Variants in USP44 observed in about 807,000 individuals in gnomAD.
USP44 encodes ubiquitin carboxyl-terminal hydrolase 44.
In USP44, 61 loss-of-function variants were observed where a neutral mutation model predicts 69.0. That is an observed-to-expected ratio of 0.88 (90% CI 0.72 to 1.09). USP44 has a LOEUF of 1.09. Ranked by LOEUF, USP44 falls within the 50% of genes least tolerant of loss-of-function variation. USP44 has a pLI of 0.00. For synonymous variants in USP44, 297 were observed against 295.4 expected (o/e 1.01, Z -0.06); for missense variants, 753 against 849.9 (o/e 0.89, Z 1.42).
intron 1 of USP44, among the ~76,000 whole-genome samples, chr12:95,546,245 A>G (rs1467809341): frequency 3.3e-5 from 5 of 152,208 alleles, no homozygotes; most frequent in Non-Finnish European, 7.3e-5. Flanking sequence ...TTGAATTCAA[A>G]TACTCTGTGT....
At chr12:95,521,995 T>C (rs558134905) in intron 4 of USP44, 40 of 968,954 alleles carry the variant, frequency 4.1e-5, no homozygotes, top group Admixed American at 1.2e-4. Flanking sequence ...CAACCGCCCA[T>C]TGGTGACAGA....
intron 2 of USP44, among the ~76,000 whole-genome samples, chr12:95,532,167 GTTTT>G (rs1272256143): frequency 7.9e-6 from 1 of 126,680 alleles, no homozygotes; most frequent in Non-Finnish European, 1.6e-5. Flanking sequence ...CTTTCTTTGG[GTTTT>G]TTTTTTTTTT....
chr12:95,547,878 A>G (rs1413632752), intron 1 of USP44: 2 of 152,182 alleles, frequency 1.3e-5, no homozygotes, highest in Non-Finnish European at 2.9e-5. Flanking sequence ...CAGTATAAAA[A>G]CTGCGAGCTA....
intron 1 of USP44, among the ~76,000 whole-genome samples, chr12:95,539,494 G>A (rs1377809274): frequency 2.0e-5 from 3 of 152,066 alleles, no homozygotes; most frequent in African/African-American, 4.8e-5. Context: ...CCAAAGTGCT[G>A]GGATTATAGG....
At position 95,521,200 on chromosome 12, in the gene USP44, C is replaced by T; in HGVS notation, c.1736G>A (p.Trp579Ter). Residue 579 changes from tryptophan to a stop codon, truncating the protein, a stop_gained and splice_region_variant, in exon 5 of 6, where the codon TGG becomes TAG. Transcript: ENST00000258499. LOFTEE classifies it high-confidence loss of function. ...CTTCTCTCGGTTATTACGTCCTGAC[C>T]ACCTGTGAACAAACCAGTGTAAAAT... is the stretch of plus-strand genomic sequence containing the variant. ...VLRLHLKRFR[W>*]SGRNNREKIG... 4 of 1,614,142 alleles carry T rather than the reference C, an allele frequency of 2.5e-6. No homozygotes were observed. In the South Asian group the frequency reaches 3.3e-5, roughly 13 times the overall value.
rs934767732 is a variant in USP44 at position 95,533,059 on chromosome 12, C to A, written c.1198G>T (p.Val400Phe). The change falls in exon 2 of 6, where the codon GTC becomes TTC. Residue 400 changes from valine (V) to phenylalanine (F), a missense_variant. Physicochemically the swap from Val to Phe is conservative, Grantham distance 50. Coordinates refer to ENST00000258499, the MANE Select transcript of USP44 (RefSeq NM_032147.5). ...GAGTGTAGCATAGCAAATGGTGAGACCAACGCCCACTTTCCAGACCACATG... is the reference window on the plus strand; with the variant it reads ...GAGTGTAGCATAGCAAATGGTGAGAACAACGCCCACTTTCCAGACCACATG... ...QVMWSGKWAL[V>F]SPFAMLHSVW... The A allele has an allele frequency of 8.1e-6, 13 of 1,614,074 alleles. No homozygotes were observed. Among genetic ancestry groups the A allele is most frequent in the Non-Finnish European group, 1.0e-5 (12 of 1,180,046 alleles).
Position 95,536,323 on chromosome 12 carries a change from G to T in USP44, c.-70-1997C>A, listed in dbSNP as rs74487773. On this transcript the variant is annotated intron_variant, in intron 1 of 5. Transcript: ENST00000258499. ...CTCCCAAAGTGCTAGGATTACAAGC[G>T]TGAGCCACCGTGCCCAGCCCCCATT... is the stretch of plus-strand genomic sequence containing the variant. Among the ~76,000 whole-genome samples, 61 of 152,086 alleles carry T rather than the reference G, an allele frequency of 4.0e-4. No homozygotes were observed. In the South Asian group the frequency reaches 0.01, roughly 26 times the overall value.
In USP44 at chr12:95,527,571, G is replaced by A. The variant is rs139142042; in HGVS notation, c.1624+1236C>T. Among the ~76,000 whole-genome samples the A allele has an allele frequency of 1.9e-4, 29 of 151,794 alleles. No individual in the cohort carries two copies. In the East Asian group the frequency reaches 4.7e-3, roughly 24 times the overall value. ...ACGATCTTGGCTCACTGCAACCTCC[G>A]CCTCCTGGGTTCAAGAGATTCTCCT... On this transcript the variant is annotated intron_variant, in intron 3 of 5. Transcript: ENST00000258499.
chr12:95,542,829 C>G (rs2077433925), intron 1 of USP44, among the ~76,000 whole-genome samples: 1 of 150,502 alleles, frequency 6.6e-6, no homozygotes, highest in Non-Finnish European at 1.5e-5. Flanking sequence ...GTGGCTCACC[C>G]TGTAATCCCA....
chr12:95,532,282 C>G (rs542929302), intron 2 of USP44, among the ~76,000 whole-genome samples: 70 of 151,014 alleles, frequency 4.6e-4, no homozygotes, highest in African/African-American at 1.6e-3. Context: ...ATTCTCCTGA[C>G]TCAGCCTCCC....
At chr12:95,532,609 T>A (rs1178730125) in intron 2 of USP44, among the ~76,000 whole-genome samples, 1 of 152,054 alleles carries the variant, frequency 6.6e-6, no homozygotes, top group Non-Finnish European at 1.5e-5. Flanking sequence ...TCTCCCTCCC[T>A]CCAAAAGCTT....
rs112179245 is a variant in USP44 at position 95,536,368 on chromosome 12, A to T, written c.-70-2042T>A. ...CCCATTTCACACGTTTTAAGTGCAC[A>T]TTTTAAATTTACTCCTCTCTCTAAA... On this transcript the variant is annotated intron_variant, in intron 1 of 5. Transcript: ENST00000258499. Among the ~76,000 whole-genome samples, 162 of 152,082 alleles carry T rather than the reference A, an allele frequency of 1.1e-3. 3 individuals are homozygous for T. The highest frequency in any genetic ancestry group is 3.8e-3 in the African/African-American group (159 of 41,452).
In USP44 at chr12:95,543,046, C is replaced by G. The variant is rs1325212651; in HGVS notation, c.-71+8226G>C. 8.0e-5 allele frequency among the ~76,000 whole-genome samples: 12 copies of G among 150,120 alleles called. No homozygotes were observed. The East Asian group carries it at 2.2e-3, about 27-fold the overall frequency. ...GAGCTTGCAGTAAGCCTAGATCGCA[C>G]CACTGCACTCCAGCCTGGGTGACAG... is the stretch of plus-strand genomic sequence containing the variant. On this transcript the variant is annotated intron_variant, in intron 1 of 5. Coordinates refer to ENST00000258499, the MANE Select transcript of USP44 (RefSeq NM_032147.5).
At position 95,518,345 on chromosome 12, in the gene USP44, C is replaced by T; in HGVS notation, c.1948G>A (p.Val650Ile). Reference protein sequence around the residue: ...YCYNSEGGFWVHCNDSKLSMC... With the variant: ...YCYNSEGGFWIHCNDSKLSMC... ...CTTAGTTTGGAATCATTGCAGTGTA[C>T]CCAGAACCCTAGAGTGAAGCACAGA... Residue 650 changes from valine to isoleucine, a missense_variant, in exon 6 of 6, where the codon GTA becomes ATA. Transcript: ENST00000258499. 6.2e-7 allele frequency: 1 copy of T among 1,614,012 alleles called. No homozygotes were observed. Among genetic ancestry groups the T allele is most frequent in the Non-Finnish European group, 8.5e-7 (1 of 1,179,986 alleles).
At chr12:95,522,036 C>G (rs56044495) in intron 4 of USP44, 72,335 of 985,064 alleles carry the variant, frequency 0.073, 4,076 homozygotes, top group African/African-American at 0.27. Context: ...CTGTTATTTT[C>G]TCAGTCTGCT....
chr12:95,536,811 G>A (rs1030506324), intron 1 of USP44, among the ~76,000 whole-genome samples: 2 of 152,158 alleles, frequency 1.3e-5, no homozygotes, highest in African/African-American at 4.8e-5. Context: ...GATCCTTGCT[G>A]TGACCCTCCT....
Position 95,532,825 on chromosome 12 carries a change from A to C in USP44, c.1428+4T>G. 6.4e-7 allele frequency: 1 copy of C among 1,569,060 alleles called. No individual in the cohort carries two copies. Among genetic ancestry groups the C allele is most frequent in the Non-Finnish European group, 8.6e-7 (1 of 1,161,728 alleles). On this transcript the variant is annotated splice_donor_region_variant and intron_variant, in intron 2 of 5. Coordinates refer to ENST00000258499, the MANE Select transcript of USP44 (RefSeq NM_032147.5). ...ATGAAAATAAGATTCTTAAAAATCC[A>C]TACCTGACTAAGAAGTTGTCCATGA...
intron 1 of USP44, among the ~76,000 whole-genome samples, chr12:95,537,918 C>T (rs999410083): frequency 1.3e-5 from 2 of 152,150 alleles, no homozygotes; most frequent in African/African-American, 4.8e-5. Flanking sequence ...CTCTTTACTC[C>T]TTTCTCTACT....
At chr12:95,546,741 CA>C (rs2077583540) in intron 1 of USP44, 1 of 152,140 alleles carries the variant, frequency 6.6e-6, no homozygotes, top group South Asian at 2.1e-4. Flanking sequence ...ACCAAGAAGC[CA>C]AATTTCTGTA....
Sources: gnomAD v4.1 joint callset for allele counts (sites outside exome capture counted in the v4.1 genomes callset) on GRCh38, gnomAD v4.1.1 for gene constraint, MANE v1.5 for transcripts, NCBI Gene and HGNC (gene_info 2026-07-23, HGNC 2026-07-21) for gene names.